CDC42SE2: variants seen among roughly 807,000 people sequenced by gnomAD.
The protein encoded by CDC42SE2 is CDC42 small effector 2, also known as CDC42 small effector protein 2.
CDC42SE2 carries 3 observed loss-of-function variants against 11.5 expected under a neutral mutation model. The observed-to-expected ratio is 0.26, with a 90% confidence interval of 0.12 to 0.67. The LOEUF is 0.67. Ranked by LOEUF, CDC42SE2 falls within the 30% of genes least tolerant of loss-of-function variation. The probability of loss-of-function intolerance (pLI) is 0.80; values close to 1 mark genes in which losing one functional copy is unlikely to be tolerated. For missense variants in CDC42SE2, 82 were observed against 106.8 expected (o/e 0.77, Z 1.02); for synonymous variants, 33 against 34.8 (o/e 0.95, Z 0.18).
chr5:131,238,217 G>T, the CDC42SE2 span, among the ~76,000 whole-genome samples: 3 of 152,032 alleles, frequency 2.0e-5, no homozygotes, highest in Admixed American at 6.6e-5. Context: ...GATGACGGGG[G>T]CGGGGCACCG....
At chr5:131,336,280 A>G (rs1422450079) in intron 2 of CDC42SE2, among the ~76,000 whole-genome samples, 1 of 152,210 alleles carries the variant, frequency 6.6e-6, no homozygotes, top group African/African-American at 2.4e-5. Flanking sequence ...TAATTCTTTA[A>G]GAATGTTGAA....
Position 131,391,128 on chromosome 5 carries a change from GTCTGGACC to G in CDC42SE2, c.*39_*46del, listed in dbSNP as rs772425477. ...TCTCCAGTGAGTACTCAGAGCTGGG[GTCTGGACC>G]TGACGGCCAGACATGGCCAGGCCAA... On this transcript the variant is annotated 3_prime_UTR_variant, in exon 5 of 5. Transcript: ENST00000505065. 3.4e-6 allele frequency: 5 copies of G among 1,487,802 alleles called. No homozygotes were observed. Among genetic ancestry groups the G allele is most frequent in the Admixed American group, 1.7e-5 (1 of 58,586 alleles). 92.2% of individuals were successfully genotyped at this position (1,487,802 alleles called of 1,614,324 possible). A position where few individuals can be genotyped will look rare whatever the true frequency, so the allele number is the denominator to read the frequency against.
chr5:131,260,627 A>C (rs1468685205), upstream of CDC42SE2, among the ~76,000 whole-genome samples: 1 of 147,282 alleles, frequency 6.8e-6, no homozygotes, highest in Admixed American at 6.8e-5. Context: ...GCTCTCTCAA[A>C]AAAAAAAAAA....
rs536168099 is a variant in CDC42SE2, at chr5:131,374,116, T to TACAAA, written c.55-11410_55-11406dup. ...ATACTAGGGGAAAATTTCCCTGAAC[T>TACAAA]ACAAAACAAAACAAAACAAAAAACA... On this transcript the variant is annotated intron_variant, in intron 3 of 4. Coordinates refer to ENST00000505065, the MANE Select transcript of CDC42SE2 (RefSeq NM_001375635.1). 3.1e-3 allele frequency among the ~76,000 whole-genome samples: 479 copies of TACAAA among 152,080 alleles called. 4 individuals carry two copies. Among genetic ancestry groups the TACAAA allele is most frequent in the African/African-American group, 0.011 (452 of 41,472 alleles).
chr5:131,274,617 T>C (rs1254818051), intron 1 of CDC42SE2, among the ~76,000 whole-genome samples: 1 of 152,196 alleles, frequency 6.6e-6, no homozygotes, highest in Non-Finnish European at 1.5e-5. Flanking sequence ...CCTTAGTGGC[T>C]TTCCATATCG....
chr5:131,372,323 C>T (rs1750032501), intron 3 of CDC42SE2, among the ~76,000 whole-genome samples: 1 of 152,014 alleles, frequency 6.6e-6, no homozygotes, highest in South Asian at 2.1e-4. Flanking sequence ...GAGTACTTAG[C>T]TATAGGAAGT....
At chr5:131,330,440 C>T (rs984929451) in intron 2 of CDC42SE2, among the ~76,000 whole-genome samples, 1 of 152,074 alleles carries the variant, frequency 6.6e-6, no homozygotes, top group Non-Finnish European at 1.5e-5. Flanking sequence ...TTCTTGGCTT[C>T]TTAGGGAATC....
intron 2 of CDC42SE2, among the ~76,000 whole-genome samples, chr5:131,354,053 A>C (rs937366750): frequency 1.3e-5 from 2 of 152,162 alleles, no homozygotes; most frequent in African/African-American, 4.8e-5. Flanking sequence ...CAGCCTGGGC[A>C]ACATAGTGAG....
intron 2 of CDC42SE2, among the ~76,000 whole-genome samples, chr5:131,337,621 T>C (rs1391182184): frequency 3.9e-5 from 6 of 152,232 alleles, no homozygotes; most frequent in African/African-American, 1.4e-4. Context: ...CTCCACCCAG[T>C]TCGAGCTTCC....
chr5:131,299,481 G>T (rs1757636873), intron 1 of CDC42SE2, among the ~76,000 whole-genome samples: 1 of 152,180 alleles, frequency 6.6e-6, no homozygotes, highest in South Asian at 2.1e-4. Context: ...CTTGTTTCTG[G>T]CTTCGTAAAC....
chr5:131,313,594 G>A (rs1163642778), intron 1 of CDC42SE2, among the ~76,000 whole-genome samples: 1 of 152,104 alleles, frequency 6.6e-6, no homozygotes, highest in Non-Finnish European at 1.5e-5. Context: ...CTGCTGGATT[G>A]CCTTTGTACC....
chr5:131,282,300 T>C (rs1473424325), intron 1 of CDC42SE2, among the ~76,000 whole-genome samples: 3 of 152,180 alleles, frequency 2.0e-5, no homozygotes, highest in African/African-American at 7.2e-5. Context: ...AACTGACCAT[T>C]TGAAAAGTTT....
At chr5:131,308,817 G>A (rs1757834038) in intron 1 of CDC42SE2, among the ~76,000 whole-genome samples, 1 of 152,150 alleles carries the variant, frequency 6.6e-6, no homozygotes, top group African/African-American at 2.4e-5. Flanking sequence ...CTTTGTTGAA[G>A]TTGCTTATCA....
intron 3 of CDC42SE2, among the ~76,000 whole-genome samples, chr5:131,360,575 T>C (rs1441544798): frequency 6.6e-6 from 1 of 152,232 alleles, no homozygotes; most frequent in Non-Finnish European, 1.5e-5. Flanking sequence ...AAATAACTAT[T>C]CTACAGTCTC....
chr5:131,246,385 G>A (rs1388513635), intron 1 of CDC42SE2, among the ~76,000 whole-genome samples: 7 of 152,156 alleles, frequency 4.6e-5, no homozygotes, highest in African/African-American at 1.7e-4. Flanking sequence ...GAATCCAGAA[G>A]GCAGAGGTTG....
the CDC42SE2 span, among the ~76,000 whole-genome samples, chr5:131,219,307 AGT>A: frequency 6.6e-6 from 1 of 152,236 alleles, no homozygotes; most frequent in Non-Finnish European, 1.5e-5. Context: ...TGCACAAGTA[AGT>A]GATAAGCCTA....
At chr5:131,389,008 AT>A (rs575890871) in intron 4 of CDC42SE2, among the ~76,000 whole-genome samples, 1 of 151,372 alleles carries the variant, frequency 6.6e-6, no homozygotes, top group Non-Finnish European at 1.5e-5. Flanking sequence ...TAGTTTTTGT[AT>A]TTTTTTTGTA....
At chr5:131,326,697 TCTA>T (rs978297679) in intron 2 of CDC42SE2, among the ~76,000 whole-genome samples, 4 of 152,218 alleles carry the variant, frequency 2.6e-5, no homozygotes, top group South Asian at 2.1e-4. Flanking sequence ...GTGGTTTTGT[TCTA>T]CTATTTTTAT....
At chr5:131,244,136 C>T (rs746004162), upstream of CDC42SE2, among the ~76,000 whole-genome samples, 2 of 152,104 alleles carry the variant, frequency 1.3e-5, no homozygotes, top group Non-Finnish European at 2.9e-5. Flanking sequence ...GTCCAATTCA[C>T]CAGAAAGACA....
Sources: gnomAD v4.1 joint callset for allele counts (sites outside exome capture counted in the v4.1 genomes callset) on GRCh38, gnomAD v4.1.1 for gene constraint, MANE v1.5 for transcripts, NCBI Gene and HGNC (gene_info 2026-07-23, HGNC 2026-07-21) for gene names.